Variants in TMEFF2 observed in about 807,000 individuals in gnomAD.
TMEFF2 encodes the protein tomoregulin-2.
In TMEFF2, 28 loss-of-function variants were observed where a neutral mutation model predicts 53.8. The ratio of observed to expected loss-of-function variants is 0.52; its 90% CI spans 0.39 to 0.71. The LOEUF (loss-of-function observed/expected upper bound fraction) is 0.71, where lower values mean the gene tolerates loss of function less well. TMEFF2 is among the 30% of genes least tolerant of loss of function. The pLI is 0.00. For missense variants in TMEFF2, 353 were observed against 455.2 expected (o/e 0.78, Z 2.04); for synonymous variants, 162 against 166.3 (o/e 0.97, Z 0.20).
chr2:192,193,757 TAGATAGAGAGAGAGAGAGAG>T (rs1423098250), intron 1 of TMEFF2, among the ~76,000 whole-genome samples: 10 of 26,630 alleles, frequency 3.8e-4, no homozygotes, highest in East Asian at 1.8e-3. Context: ...GAGAGATAGA[TAGATAGAGAGAGAGAGAGAG>T]AGAGAGAGAG....
chr2:192,039,978 T>A (rs1687432688), intron 5 of TMEFF2, among the ~76,000 whole-genome samples: 1 of 152,100 alleles, frequency 6.6e-6, no homozygotes, highest in Admixed American at 6.6e-5. Context: ...AAGAATCACC[T>A]ACAATTTTAC....
chr2:192,154,461 A>T (rs1690459308), intron 4 of TMEFF2, among the ~76,000 whole-genome samples: 1 of 151,984 alleles, frequency 6.6e-6, no homozygotes, highest in South Asian at 2.1e-4. Flanking sequence ...TTCACTCCTC[A>T]AATTCCACAA....
intron 4 of TMEFF2, among the ~76,000 whole-genome samples, chr2:192,175,897 T>A (rs991878282): frequency 4.0e-5 from 6 of 151,292 alleles, no homozygotes; most frequent in Non-Finnish European, 5.9e-5. Flanking sequence ...CATAAATATT[T>A]AAAAAAAACA....
At chr2:192,070,266 A>C (rs1186048802) in intron 4 of TMEFF2, among the ~76,000 whole-genome samples, 1 of 151,678 alleles carries the variant, frequency 6.6e-6, no homozygotes, top group Non-Finnish European at 1.5e-5. Flanking sequence ...TTAAATGTCA[A>C]AGGATCCGTC....
At chr2:192,070,875 G>A (rs550286075) in intron 4 of TMEFF2, among the ~76,000 whole-genome samples, 1 of 151,998 alleles carries the variant, frequency 6.6e-6, no homozygotes, top group Admixed American at 6.6e-5. Flanking sequence ...TGTACTAAAT[G>A]TCCAGGCATA....
intron 7 of TMEFF2, among the ~76,000 whole-genome samples, chr2:191,960,812 T>C (rs1256208725): frequency 3.9e-5 from 6 of 152,206 alleles, no homozygotes; most frequent in African/African-American, 1.4e-4. Flanking sequence ...AGCTGTTCAG[T>C]AGGAGAATGA....
At chr2:192,006,417 G>A (rs1213676930) in intron 5 of TMEFF2, among the ~76,000 whole-genome samples, 1 of 152,112 alleles carries the variant, frequency 6.6e-6, no homozygotes, top group African/African-American at 2.4e-5. Flanking sequence ...TGAAGAGAGG[G>A]AACTATTGCT....
intron 4 of TMEFF2, among the ~76,000 whole-genome samples, chr2:192,059,184 T>C (rs559969707): frequency 6.6e-6 from 1 of 152,088 alleles, no homozygotes; most frequent in African/African-American, 2.4e-5. Flanking sequence ...TAGTCAACGC[T>C]TACATTTTTA....
At chr2:192,147,689 C>T (rs1215828003) in intron 4 of TMEFF2, among the ~76,000 whole-genome samples, 1 of 152,016 alleles carries the variant, frequency 6.6e-6, no homozygotes, top group Non-Finnish European at 1.5e-5. Flanking sequence ...GCAATTTCAA[C>T]TAACCCTTTC....
intron 5 of TMEFF2, among the ~76,000 whole-genome samples, chr2:192,049,129 A>G (rs1040354634): frequency 8.8e-5 from 13 of 148,276 alleles, no homozygotes; most frequent in Non-Finnish European, 1.9e-4. Context: ...TATCCTGAAT[A>G]TATAAGATAG....
chr2:192,187,863 A>G (rs1311954912), intron 2 of TMEFF2, among the ~76,000 whole-genome samples: 1 of 152,230 alleles, frequency 6.6e-6, no homozygotes, highest in African/African-American at 2.4e-5. Context: ...ACATTATGTG[A>G]GAAGTTTTTC....
rs550489540 is a variant in TMEFF2 at position 192,119,153 on chromosome 2, T to C, written c.439+60515A>G. On this transcript the variant is annotated intron_variant, in intron 4 of 9. Transcript: ENST00000272771. ...AAAATCAAGTATGTTGTCCAACTAC[T>C]TATGTGACAAGATACCAAACTAATT... Among the ~76,000 whole-genome samples, 23 of 152,312 alleles carry C rather than the reference T, an allele frequency of 1.5e-4. No individual in the cohort carries two copies. In the South Asian group the frequency reaches 4.8e-3, roughly 32 times the overall value.
At chr2:192,036,708 G>A (rs918266555) in intron 5 of TMEFF2, 7 of 152,212 alleles carry the variant, frequency 4.6e-5, no homozygotes, top group African/African-American at 1.4e-4. Flanking sequence ...ACTGACCTCT[G>A]TCAGTTCCTT....
At chr2:192,164,747 A>G (rs1401272298) in intron 4 of TMEFF2, among the ~76,000 whole-genome samples, 4 of 151,244 alleles carry the variant, frequency 2.6e-5, no homozygotes, top group African/African-American at 7.3e-5. Flanking sequence ...AAAAAAAGTA[A>G]CCACACTCTG....
intron 5 of TMEFF2, among the ~76,000 whole-genome samples, chr2:192,041,552 G>A (rs1687481158): frequency 6.6e-6 from 1 of 152,004 alleles, no homozygotes; most frequent in African/African-American, 2.4e-5. Context: ...AAAATAGTCT[G>A]GCCCTTCCTC....
intron 5 of TMEFF2, among the ~76,000 whole-genome samples, chr2:192,001,840 C>T (rs1686370990): frequency 6.6e-6 from 1 of 152,128 alleles, no homozygotes; most frequent in African/African-American, 2.4e-5. Flanking sequence ...GTAAATTGCC[C>T]AGTCTTGGGT....
intron 4 of TMEFF2, among the ~76,000 whole-genome samples, chr2:192,094,967 C>T (rs1181441702): frequency 6.6e-6 from 1 of 152,184 alleles, no homozygotes; most frequent in Admixed American, 6.5e-5. Flanking sequence ...AGCTATTAAG[C>T]TTCCAATAAT....
chr2:192,124,084 T>G (rs1689621496), intron 4 of TMEFF2, among the ~76,000 whole-genome samples: 1 of 152,216 alleles, frequency 6.6e-6, no homozygotes, highest in Non-Finnish European at 1.5e-5. Flanking sequence ...CTTCTCTTAA[T>G]GCACCTTTCA....
chr2:192,012,875 A>G (rs1224432417), intron 5 of TMEFF2, among the ~76,000 whole-genome samples: 3 of 152,212 alleles, frequency 2.0e-5, no homozygotes, highest in Non-Finnish European at 4.4e-5. Context: ...AATGTATACA[A>G]ATTAAAAATA....
Sources: gnomAD v4.1 joint callset for allele counts (sites outside exome capture counted in the v4.1 genomes callset) on GRCh38, gnomAD v4.1.1 for gene constraint, MANE v1.5 for transcripts, NCBI Gene and HGNC (gene_info 2026-07-23, HGNC 2026-07-21) for gene names.